The following RUFY4 variants were observed in gnomAD, a reference collection of about 807,000 sequenced individuals.
The protein encoded by RUFY4 is RUN and FYVE domain containing 4.
In RUFY4, 73 loss-of-function variants were observed where a neutral mutation model predicts 69.0. The ratio of observed to expected loss-of-function variants is 1.06; its 90% CI spans 0.88 to 1.29. The LOEUF (loss-of-function observed/expected upper bound fraction) is 1.29. Among genes scored for constraint, RUFY4 ranks in the 50% most tolerant of loss-of-function variants. The probability of loss-of-function intolerance (pLI) is 0.00; values close to 1 mark genes in which losing one functional copy is unlikely to be tolerated. For synonymous variants in RUFY4, 287 were observed against 271.8 expected, an observed-to-expected ratio of 1.06 and a Z score of -0.55; for missense variants, 770 against 705.6, an observed-to-expected ratio of 1.09 and a Z score of -1.03.
chr2:218,075,338 A>G (rs1559434159), exon 7 of RUFY4: 1 of 1,611,694 alleles, frequency 6.2e-7, no homozygotes, highest in Admixed American at 1.7e-5. Flanking sequence ...AAAGAGCCCC[A>G]TGGATTGAGA....
intron 2 of RUFY4, among the ~76,000 whole-genome samples, 199 bp downstream of exon 4, chr2:218,071,058 G>C (rs1298176048): frequency 6.6e-6 from 1 of 152,196 alleles, no homozygotes. Context: ...AAGCGGGGCT[G>C]GAAGGGACCC....
chr2:218,089,592 C>A, intron 10 of RUFY4: 1 of 673,492 alleles, frequency 1.5e-6, no homozygotes, highest in African/African-American at 1.8e-5. Flanking sequence ...GGGATTGGGT[C>A]CCCCTCCAAG....
At chr2:218,089,981 G>A in exon 11 of RUFY4, 2 of 1,567,890 alleles carry the variant, frequency 1.3e-6, no homozygotes, top group Non-Finnish European at 8.6e-7. Context: ...TGCCATGCTT[G>A]CTCCATGGAT....
Position 218,072,744 on chromosome 2 carries a change from T to C in RUFY4, c.280-35T>C, listed in dbSNP as rs767230366. The C allele has an allele frequency of 1.5e-5, 22 of 1,457,802 alleles. No homozygotes were observed. The African/African-American group carries it at 3.0e-4, about 20-fold the overall frequency. The allele number at this position is 1,457,802 out of a possible 1,614,324, so 90.3% of individuals were successfully genotyped here. A position where few individuals can be genotyped will look rare whatever the true frequency, so the allele number is the denominator to read the frequency against. On this transcript the variant is annotated intron_variant, in intron 3 of 10. Transcript: ENST00000344321. The stretch of plus-strand genomic sequence containing the variant: ...GTTACCTGGGCGCCCTTTGTCCTAA[T>C]ACTGCTCCCCATTCTGCCCCTGTGC...
chr2:218,079,117 C>T (rs141552071), intron 8 of RUFY4, among the ~76,000 whole-genome samples: 1,549 of 152,310 alleles, frequency 0.01, 33 homozygotes, highest in African/African-American at 0.032. Context: ...GATCCACCCA[C>T]CTTAGCCTCC....
At chr2:218,043,946 G>C (rs1282699810) in intron 2 of RUFY4, among the ~76,000 whole-genome samples, 1 of 152,230 alleles carries the variant, frequency 6.6e-6, no homozygotes, top group Admixed American at 6.5e-5. Context: ...AGGAGGCAGG[G>C]GGCTGGTGTC....
chr2:218,076,518 G>T lies in RUFY4; in HGVS notation c.1340G>T (p.Arg447Leu), dbSNP rs187325896. The stretch of plus-strand genomic sequence containing the variant: ...CAGGAGGGGGAGCTGCAGGCACTTC[G>T]GGAGCAGCTCAGCAGGTAACCTTGG... The change falls in exon 8 of 11, where the codon CGG becomes CTG. Residue 447 changes from arginine to leucine, a missense_variant. Physicochemically the swap from Arg to Leu is moderately radical, Grantham distance 102. Transcript: ENST00000344321. 3.8e-4 allele frequency: 591 copies of T among 1,550,530 alleles called. 4 individuals are homozygous for T. The highest frequency in any genetic ancestry group is 9.8e-5 in the East Asian group (4 of 40,790).
intron 9 of RUFY4, 60 bp from the exon 12 acceptor site, chr2:218,089,192 C>A (rs770078797): frequency 5.2e-5 from 72 of 1,373,570 alleles, no homozygotes; most frequent in Admixed American, 7.8e-5. Context: ...GGTCTTTTCC[C>A]ATTTCTATCT....
intron 8 of RUFY4, among the ~76,000 whole-genome samples, chr2:218,081,047 A>G (rs1249898886): frequency 3.9e-5 from 6 of 152,146 alleles, no homozygotes; most frequent in Non-Finnish European, 7.3e-5. Flanking sequence ...CAGGCCTGGC[A>G]TATAGTAAGT....
At chr2:218,073,769 C>T (rs1689552877) in intron 5 of RUFY4, 47 bp from the exon 8 acceptor site, 1 of 1,607,054 alleles carries the variant, frequency 6.2e-7, no homozygotes, top group Admixed American at 1.7e-5. Flanking sequence ...GGACCAAGCC[C>T]AACACTGAAG....
At chr2:218,076,014 A>G (rs959225147) in intron 7 of RUFY4, among the ~76,000 whole-genome samples, 7 of 152,112 alleles carry the variant, frequency 4.6e-5, no homozygotes, top group African/African-American at 1.7e-4. Flanking sequence ...ATCCCTTCCC[A>G]GCAGTTCTTC....
At chr2:218,077,498 C>G (rs1271952177) in intron 8 of RUFY4, among the ~76,000 whole-genome samples, 1 of 152,156 alleles carries the variant, frequency 6.6e-6, no homozygotes, top group Non-Finnish European at 1.5e-5. Context: ...GCCACCACAC[C>G]CAGCCCATAA....
chr2:218,078,896 T>A (rs1186576513), intron 8 of RUFY4, among the ~76,000 whole-genome samples: 2 of 152,158 alleles, frequency 1.3e-5, no homozygotes, highest in Non-Finnish European at 2.9e-5. Flanking sequence ...AGACAGAGTT[T>A]CGCTCTTGCT....
chr2:218,059,846 A>G (rs1593782), intron 3 of RUFY4: 71,711 of 166,804 alleles, frequency 0.43, 16,484 homozygotes, highest in East Asian at 0.78. Flanking sequence ...CTACAAGTGG[A>G]ATTGCAGGAT....
At chr2:218,090,068 C>T (rs1559440916) in exon 11 of RUFY4, 2 of 1,504,518 alleles carry the variant, frequency 1.3e-6, no homozygotes. Context: ...AGACCAAGAC[C>T]AGCCCATGAC....
chr2:218,044,232 C>T (rs1688773174), intron 2 of RUFY4, among the ~76,000 whole-genome samples: 1 of 152,236 alleles, frequency 6.6e-6, no homozygotes, highest in African/African-American at 2.4e-5. Flanking sequence ...GCTGCACCTC[C>T]TCACTGCAGC....
Position 218,083,404 on chromosome 2 carries a change from C to A in RUFY4, c.1502+148C>A, listed in dbSNP as rs542305326. 2.1e-5 allele frequency: 23 copies of A among 1,101,554 alleles called. No individual in the cohort carries two copies. In the African/African-American group the frequency reaches 3.2e-4, roughly 15 times the overall value. The allele number at this position is 1,101,554 out of a possible 1,614,324, so 68.2% of individuals were successfully genotyped here. A position where few individuals can be genotyped will look rare whatever the true frequency, so the allele number is the denominator to read the frequency against. ...AGCTAACCCTTCTGTTTCTTTTAGC[C>A]ACTCCCTGCTGTTATCCCCATTTTA... On this transcript the variant is annotated intron_variant, in intron 9 of 10. Transcript: ENST00000344321.
chr2:218,086,009 T>G (rs1443337380), intron 9 of RUFY4, among the ~76,000 whole-genome samples: 1 of 152,130 alleles, frequency 6.6e-6, no homozygotes, highest in Admixed American at 6.5e-5. Context: ...AGGAAAAAGA[T>G]CCATCTTCCA....
chr2:218,089,421 GC>G, intron 10 of RUFY4, 59 bp downstream of exon 12: 1 of 1,447,236 alleles, frequency 6.9e-7, no homozygotes, highest in Non-Finnish European at 9.6e-7. Flanking sequence ...CCAGCTGACA[GC>G]CCCCACCCAC....
Sources: gnomAD v4.1 joint callset for allele counts (sites outside exome capture counted in the v4.1 genomes callset) on GRCh38, gnomAD v4.1.1 for gene constraint, MANE v1.5 for transcripts, NCBI Gene and HGNC (gene_info 2026-07-23, HGNC 2026-07-21) for gene names.